The following KAZN variants were observed in gnomAD, a reference collection of about 807,000 sequenced individuals.
KAZN encodes the protein kazrin, periplakin interacting protein.
In KAZN, 40 loss-of-function variants were observed where a neutral mutation model predicts 87.4. That is an observed-to-expected ratio of 0.46 (90% confidence interval 0.36 to 0.60). The LOEUF (loss-of-function observed/expected upper bound fraction) is 0.60, where lower values mean the gene tolerates loss of function less well. Among genes scored for constraint, KAZN ranks in the 20% least tolerant of loss-of-function variants. KAZN has a pLI of 0.00. For synonymous variants in KAZN, 466 were observed against 458.3 expected (o/e 1.02, Z -0.22); for missense variants, 898 against 1,073.9 (o/e 0.84, Z 2.29).
At chr1:14,771,122 G>A (rs1034633042) in intron 1 of KAZN, among the ~76,000 whole-genome samples, 1 of 152,176 alleles carries the variant, frequency 6.6e-6, no homozygotes, top group African/African-American at 2.4e-5. Context: ...GATTCGCTGT[G>A]ATCATTGCCA....
chr1:14,647,294 G>A (rs968073996), intron 1 of KAZN, among the ~76,000 whole-genome samples: 14 of 152,116 alleles, frequency 9.2e-5, no homozygotes, highest in African/African-American at 2.4e-4. Flanking sequence ...AAACCCACAC[G>A]CCTTCCATCA....
chr1:14,925,279 G>C (rs1317490125), intron 1 of KAZN, among the ~76,000 whole-genome samples: 1 of 152,188 alleles, frequency 6.6e-6, no homozygotes, highest in African/African-American at 2.4e-5. Context: ...ATGGGAGACA[G>C]GAACCCCTGC....
intron 2 of KAZN, among the ~76,000 whole-genome samples, chr1:14,274,256 A>G (rs1314378235): frequency 3.3e-5 from 5 of 152,206 alleles, no homozygotes; most frequent in Non-Finnish European, 7.3e-5. Context: ...ACTTTGTTGT[A>G]TGAAATGGGA....
chr1:14,538,376 C>G (rs1243339513), intron 2 of KAZN, among the ~76,000 whole-genome samples: 1 of 152,120 alleles, frequency 6.6e-6, no homozygotes, highest in Non-Finnish European at 1.5e-5. Flanking sequence ...TATTTTTGTG[C>G]TATAACAACA....
chr1:14,297,816 T>G (rs999888494), intron 2 of KAZN, among the ~76,000 whole-genome samples: 3 of 152,184 alleles, frequency 2.0e-5, no homozygotes, highest in Non-Finnish European at 4.4e-5. Context: ...ACTTAAGACC[T>G]TATGATGAGT....
At chr1:13,937,371 A>G (rs1018195845) in intron 1 of KAZN, among the ~76,000 whole-genome samples, 5 of 152,016 alleles carry the variant, frequency 3.3e-5, no homozygotes, top group African/African-American at 4.8e-5. Context: ...TAATGGTGTT[A>G]TTTGTTGTTT....
chr1:14,071,258 C>T (rs964297382), intron 1 of KAZN, among the ~76,000 whole-genome samples: 3 of 152,132 alleles, frequency 2.0e-5, no homozygotes, highest in Non-Finnish European at 2.9e-5. Flanking sequence ...GTTTGGGGAA[C>T]TAGTAGGTCT....
intron 1 of KAZN, among the ~76,000 whole-genome samples, chr1:13,981,070 A>C (rs1638640002): frequency 4.1e-5 from 1 of 24,314 alleles, no homozygotes; most frequent in Non-Finnish European, 9.6e-5. Context: ...GTTCTTGGAG[A>C]GGTATAAAAA....
Position 14,820,527 on chromosome 1 carries a change from A to T in KAZN, c.227-140157A>T, listed in dbSNP as rs931552131. Among the ~76,000 whole-genome samples the T allele has an allele frequency of 5.3e-5, 8 of 152,218 alleles. No individual in the cohort carries two copies. The highest frequency in any genetic ancestry group is 1.9e-4 in the African/African-American group (8 of 41,454). On this transcript the variant is annotated intron_variant, in intron 1 of 14. Transcript: ENST00000376030. This position sits in a 1 kb window ranked among gnomAD's most constrained non-coding sequence, Gnocchi z 4.1. ...CTGGGCTGCACAGCTGCCTGAACGA[A>T]GCTGGAGCGTGCAGAACAAACTGCA...
At position 13,950,109 on chromosome 1, in the gene KAZN, T is replaced by C. The variant is rs189831785; in HGVS notation, c.91+56353T>C. Among the ~76,000 whole-genome samples, 120 of 152,324 alleles carry C rather than the reference T, an allele frequency of 7.9e-4. 1 individual carries two copies. The highest frequency in any genetic ancestry group is 2.5e-3 in the African/African-American group (106 of 41,584). On this transcript the variant is annotated intron_variant, in intron 1 of 16. Transcript: ENST00000636203. ...AGCCTGCTCCCTGAGCCTTGCTCCC[T>C]CCCAGGCCTCTTCCTTTGCTTCATG... is the stretch of plus-strand genomic sequence containing the variant.
intron 2 of KAZN, among the ~76,000 whole-genome samples, chr1:14,195,135 T>A (rs968478637): frequency 7.9e-5 from 12 of 152,160 alleles, no homozygotes; most frequent in African/African-American, 1.4e-4. Flanking sequence ...AAAAATATAT[T>A]TTTTTAAATT....
At chr1:14,404,478 GAAC>G (rs1663672400) in intron 2 of KAZN, among the ~76,000 whole-genome samples, 2 of 152,186 alleles carry the variant, frequency 1.3e-5, no homozygotes, top group South Asian at 4.2e-4. Flanking sequence ...CAGTGTGCTG[GAAC>G]AACAAGGTAC....
chr1:15,092,073 A>ATTTTTTTTT (rs58871336), intron 8 of KAZN, among the ~76,000 whole-genome samples: 3 of 75,476 alleles, frequency 4.0e-5, no homozygotes, highest in African/African-American at 1.7e-4. Context: ...TTTTTTTTTG[A>ATTTTTTTTT]TTTTTTTTTT....
At chr1:14,360,078 A>G (rs1472756298) in intron 2 of KAZN, among the ~76,000 whole-genome samples, 2 of 152,204 alleles carry the variant, frequency 1.3e-5, no homozygotes, top group African/African-American at 4.8e-5. Flanking sequence ...AGGTACACCA[A>G]TCAAACATAG....
chr1:14,704,616 G>A (rs1474395897), intron 1 of KAZN, among the ~76,000 whole-genome samples: 1 of 152,188 alleles, frequency 6.6e-6, no homozygotes, highest in African/African-American at 2.4e-5. Flanking sequence ...CAGGCCGTGT[G>A]GACATGACAT....
At chr1:14,691,535 G>A (rs374824248) in intron 1 of KAZN, among the ~76,000 whole-genome samples, 5 of 152,034 alleles carry the variant, frequency 3.3e-5, no homozygotes, top group Non-Finnish European at 4.4e-5. Context: ...TGCCCAGCCC[G>A]GAGTGCAGTG....
chr1:14,316,073 T>G (rs1407627828), intron 2 of KAZN, among the ~76,000 whole-genome samples: 1 of 152,084 alleles, frequency 6.6e-6, no homozygotes. Flanking sequence ...TTACCAGTCT[T>G]TAAACTTTAG....
intron 2 of KAZN, among the ~76,000 whole-genome samples, chr1:14,379,844 G>C (rs953812239): frequency 1.3e-5 from 2 of 152,208 alleles, no homozygotes; most frequent in African/African-American, 4.8e-5. Flanking sequence ...TTCACCACTT[G>C]CTGGATTGTG....
chr1:14,355,499 C>T (rs897942440), intron 2 of KAZN, among the ~76,000 whole-genome samples: 1 of 151,834 alleles, frequency 6.6e-6, no homozygotes, highest in East Asian at 1.9e-4. Flanking sequence ...CATAAGTATA[C>T]ATGTCCCATG....
Sources: gnomAD v4.1 joint callset for allele counts (sites outside exome capture counted in the v4.1 genomes callset) on GRCh38, gnomAD v4.1.1 for gene constraint, Gnocchi (gnomAD v3.1) non-coding constraint, MANE v1.5 for transcripts, NCBI Gene and HGNC (gene_info 2026-07-23, HGNC 2026-07-21) for gene names.